Variants in LMF1 observed in about 807,000 individuals in gnomAD.
LMF1 encodes transmembrane protein 112.
A neutral mutation model predicts 60.6 loss-of-function variants in LMF1; 68 were observed. That is an observed-to-expected ratio of 1.12 (90% CI 0.92 to 1.37). The LOEUF (loss-of-function observed/expected upper bound fraction) is 1.37. LMF1 is among the 40% of genes most tolerant of loss of function. The probability of loss-of-function intolerance (pLI) is 0.00; values close to 1 mark genes in which losing one functional copy is unlikely to be tolerated. For missense variants in LMF1, 948 were observed against 767.2 expected, an observed-to-expected ratio of 1.24 and a Z score of -2.78; for synonymous variants, 418 against 324.7, an observed-to-expected ratio of 1.29 and a Z score of -3.09.
intron 5 of LMF1, among the ~76,000 whole-genome samples, chr16:885,619 G>T (rs944470716): frequency 5.3e-5 from 8 of 152,230 alleles, no homozygotes; most frequent in African/African-American, 1.9e-4. Flanking sequence ...ACAATTCAGA[G>T]CAGAGAATAT....
chr16:911,197 T>A, intron 3 of LMF1, 118 bp from the exon 4 acceptor site: 1 of 1,174,744 alleles, frequency 8.5e-7, no homozygotes, highest in Non-Finnish European at 1.2e-6. Context: ...ATCTTGCTAC[T>A]GAGAGACACC....
intron 3 of LMF1, among the ~76,000 whole-genome samples, chr16:915,583 G>T (rs1272722121): frequency 1.3e-5 from 2 of 152,164 alleles, no homozygotes; most frequent in African/African-American, 4.8e-5. Context: ...TCTGGGCTGG[G>T]CTGGGCAGCC....
At chr16:946,005 G>C (rs1393430658) in intron 2 of LMF1, among the ~76,000 whole-genome samples, 1 of 152,176 alleles carries the variant, frequency 6.6e-6, no homozygotes, top group African/African-American at 2.4e-5. Context: ...AAACCCTCTG[G>C]AAACAGCTGA....
chr16:860,111 T>G (rs981590025), intron 10 of LMF1, among the ~76,000 whole-genome samples: 1 of 151,574 alleles, frequency 6.6e-6, no homozygotes, highest in East Asian at 1.9e-4. Context: ...TATTAAGTTA[T>G]GAAACTTCTT....
chr16:964,959 G>A lies in LMF1; in HGVS notation c.193+5829C>T, dbSNP rs138232600. 1.4e-4 allele frequency among the ~76,000 whole-genome samples: 21 copies of A among 152,356 alleles called. No homozygotes were observed. The East Asian group carries it at 2.5e-3, about 18-fold the overall frequency. ...GCGCACAGAACAGACGCCACAGTGCGGCACGCATGCCTCCACGCCTAAAGG... is the reference window on the plus strand; with the variant it reads ...GCGCACAGAACAGACGCCACAGTGCAGCACGCATGCCTCCACGCCTAAAGG... On this transcript the variant is annotated intron_variant, in intron 1 of 10. Transcript: ENST00000262301.
intron 2 of LMF1, among the ~76,000 whole-genome samples, chr16:941,002 A>G (rs12598882): frequency 0.48 from 72,383 of 151,918 alleles, 18,887 homozygotes; most frequent in African/African-American, 0.69. Flanking sequence ...TTATGTCTTT[A>G]TGATCAATTA....
At chr16:871,508 G>A in intron 6 of LMF1, 167 bp from the exon 7 acceptor site, 2 of 671,326 alleles carry the variant, frequency 3.0e-6, no homozygotes, top group East Asian at 2.7e-5. Flanking sequence ...GTGCCTTCAT[G>A]GAGGGGACAG....
chr16:981,541 C>T (rs2073377854), upstream of LMF1: 1 of 167,712 alleles, frequency 6.0e-6, no homozygotes, highest in Non-Finnish European at 1.3e-5. Flanking sequence ...TTTCCCGGGG[C>T]TCCAGAGAGG....
chr16:910,194 G>C (rs1389293849), intron 4 of LMF1, among the ~76,000 whole-genome samples: 1 of 152,246 alleles, frequency 6.6e-6, no homozygotes, highest in Non-Finnish European at 1.5e-5. Flanking sequence ...TCGTGTTTTT[G>C]TGAACTCAGA....
intron 10 of LMF1, among the ~76,000 whole-genome samples, chr16:857,774 TGCGTGGTGTCTCGG>T (rs2069249798): frequency 2.1e-5 from 1 of 47,854 alleles, no homozygotes; most frequent in Non-Finnish European, 3.4e-5. Context: ...GGGACGGGTG[TGCGTGGTGTCTCGG>T]GATGGGTGTG....
At chr16:919,129 C>T (rs2071360413) in intron 3 of LMF1, among the ~76,000 whole-genome samples, 1 of 152,120 alleles carries the variant, frequency 6.6e-6, no homozygotes, top group Non-Finnish European at 1.5e-5. Flanking sequence ...CACACAGTCT[C>T]GGGGGACAGT....
chr16:888,537 C>T (rs979539515), intron 5 of LMF1, among the ~76,000 whole-genome samples: 6 of 152,218 alleles, frequency 3.9e-5, no homozygotes, highest in Non-Finnish European at 7.3e-5. Flanking sequence ...TCCATTTCAG[C>T]AGCTAGTGCC....
At chr16:909,956 C>A (rs992389041) in intron 4 of LMF1, among the ~76,000 whole-genome samples, 22 of 152,324 alleles carry the variant, frequency 1.4e-4, no homozygotes, top group Admixed American at 1.3e-3. Flanking sequence ...ACTCTTCGTA[C>A]GTCTTCAGCG....
intron 1 of LMF1, chr16:976,296 G>T (rs1304622528): frequency 2.2e-6 from 1 of 452,206 alleles, no homozygotes; most frequent in Admixed American, 2.4e-5. Flanking sequence ...CCAGAACGAG[G>T]CTGGGGTCTG....
chr16:858,752 GACTGGTGTCACGGGACGGGTGTGC>G (rs2069303977), intron 10 of LMF1, among the ~76,000 whole-genome samples: 1 of 95,312 alleles, frequency 1.0e-5, no homozygotes, highest in East Asian at 2.8e-4. Flanking sequence ...GGACGGGTGT[GACTGGTGTCACGGGACGGGTGTGC>G]AGTGGTGTCA....
At chr16:977,750 C>G (rs2073192472) in intron 1 of LMF1, among the ~76,000 whole-genome samples, 1 of 151,902 alleles carries the variant, frequency 6.6e-6, no homozygotes, top group South Asian at 2.1e-4. Context: ...GAGGGAGGGA[C>G]AGGGGCCTCT....
intron 3 of LMF1, among the ~76,000 whole-genome samples, chr16:927,676 C>T (rs1459289599): frequency 1.3e-5 from 2 of 152,206 alleles, no homozygotes; most frequent in Non-Finnish European, 2.9e-5. Flanking sequence ...GCAGCCCAGG[C>T]GGAGCTCACC....
At chr16:968,011 AAC>A (rs1256482941) in intron 1 of LMF1, among the ~76,000 whole-genome samples, 1 of 152,240 alleles carries the variant, frequency 6.6e-6, no homozygotes, top group Non-Finnish European at 1.5e-5. Flanking sequence ...GCTTTCCGCT[AAC>A]ACACTCCGGC....
At chr16:920,314 G>A (rs1392943047) in intron 3 of LMF1, among the ~76,000 whole-genome samples, 1 of 152,240 alleles carries the variant, frequency 6.6e-6, no homozygotes, top group Non-Finnish European at 1.5e-5. Context: ...CCCAAGCGCT[G>A]GCTCCACACG....
Sources: allele counts gnomAD v4.1 joint callset (sites outside exome capture counted in the v4.1 genomes callset), GRCh38; gene constraint gnomAD v4.1.1; transcripts MANE v1.5; gene names NCBI Gene and HGNC (gene_info 2026-07-23, HGNC 2026-07-21).